ZNF585B: variants seen among roughly 807,000 people sequenced by gnomAD.
ZNF585B encodes the protein zinc finger protein 585B.
In ZNF585B, 7 loss-of-function variants were observed where a neutral mutation model predicts 14.0. That is an observed-to-expected ratio of 0.50 (90% CI 0.28 to 0.94). ZNF585B has a LOEUF of 0.94. ZNF585B is among the 40% of genes least tolerant of loss of function. The pLI, the probability that ZNF585B is intolerant of heterozygous loss-of-function variation, is 0.09. For missense variants in ZNF585B, 750 were observed against 924.4 expected, an observed-to-expected ratio of 0.81 and a Z score of 2.45; for synonymous variants, 290 against 317.3, an observed-to-expected ratio of 0.91 and a Z score of 0.91.
chr19:37,186,883 T>C lies in ZNF585B; in HGVS notation c.654A>G (p.Glu218=), dbSNP rs753870787. Residue 218 remains glutamate (E), a synonymous_variant, in exon 5 of 5, where the codon GAA becomes GAG. Transcript: ENST00000532828. ...HTGEKLYECS[E]CGKGFPYNSD... ...AGTTATAAGGGAAACCTTTCCCACA[T>C]TCACTACATTCATATAGTTTTTCTC... 8 of 1,613,738 alleles carry C rather than the reference T, an allele frequency of 5.0e-6. No homozygotes were observed. Among genetic ancestry groups the C allele is most frequent in the African/African-American group, 1.3e-5 (1 of 74,914 alleles).
Position 37,186,283 on chromosome 19 carries a change from G to T in ZNF585B, c.1254C>A (p.Ala418=), listed in dbSNP as rs1329860426. 1.9e-6 allele frequency: 3 copies of T among 1,613,916 alleles called. No homozygotes were observed. In the African/African-American group the frequency reaches 4.0e-5, roughly 22 times the overall value. The change falls in exon 5 of 5, where the codon GCC becomes GCA. Residue 418 remains alanine, a synonymous_variant. Coordinates refer to ENST00000532828, the MANE Select transcript of ZNF585B (RefSeq NM_152279.4). ...KSYICMKCGL[A]FIRKAHLITH... ...TAATCAAGTGTGCCTTCCGGATGAAGGCCAGTCCACATTTCATGCATATAT... is the reference window on the plus strand; with the variant it reads ...TAATCAAGTGTGCCTTCCGGATGAATGCCAGTCCACATTTCATGCATATAT...
intron 2 of ZNF585B, among the ~76,000 whole-genome samples, chr19:37,198,739 A>T (rs74619318): frequency 1.6e-4 from 20 of 121,492 alleles, no homozygotes; most frequent in Non-Finnish European, 2.3e-4. Context: ...TCTGTCTCAG[A>T]AAAAGAAAAA....
rs1483119488 is a variant in ZNF585B, at chr19:37,187,001, G to A, written c.536C>T (p.Thr179Ile). Residue 179 changes from threonine (T) to isoleucine (I), a missense_variant, in exon 5 of 5, where the codon ACC (threonine) becomes ATC (isoleucine). Physicochemically the swap from Thr to Ile is moderately conservative, Grantham distance 89. Transcript: ENST00000532828. ...CTTATAGGGCTTCTCTCTCATATGG[G>A]TTTTCTGATGTGTGATGAATTCTGG... Reference protein sequence around the residue: ...QKPEFITHQKTHMREKPYKCN... With the variant: ...QKPEFITHQKIHMREKPYKCN... 2.5e-6 allele frequency: 4 copies of A among 1,613,122 alleles called. No homozygotes were observed. The highest frequency in any genetic ancestry group is 3.4e-6 in the Non-Finnish European group (4 of 1,179,776).
intron 3 of ZNF585B, 101 bp from the exon 4 acceptor site, chr19:37,189,854 G>A: frequency 6.3e-7 from 1 of 1,581,034 alleles, no homozygotes; most frequent in African/African-American, 1.3e-5. Flanking sequence ...CTTTAGGAAA[G>A]TAACCAGATA....
chr19:37,181,881 G>A lies in ZNF585B; in HGVS notation c.*3346C>T, dbSNP rs1050206290. The A allele has an allele frequency of 6.6e-6, 1 of 152,174 alleles. No individual in the cohort carries two copies. 9.4% of individuals were successfully genotyped at this position (152,174 alleles called of 1,614,324 possible). A position where few individuals can be genotyped will look rare whatever the true frequency, so the allele number is the denominator to read the frequency against. On this transcript the variant is annotated 3_prime_UTR_variant, in exon 5 of 5. Transcript: ENST00000532828. Reference sequence around the variant, plus strand: ...TAGGCGAAACACAGAGGATTATTGGGACAGTGAAACGGCTCTTTATCCTTC... The same window carrying A: ...TAGGCGAAACACAGAGGATTATTGGAACAGTGAAACGGCTCTTTATCCTTC...
intron 2 of ZNF585B, among the ~76,000 whole-genome samples, chr19:37,202,911 G>C (rs1972545443): frequency 6.6e-6 from 1 of 152,124 alleles, no homozygotes; most frequent in African/African-American, 2.4e-5. Flanking sequence ...CCAAAGTGCT[G>C]GGATTACAGG....
chr19:37,199,645 G>A (rs1011385641), intron 2 of ZNF585B: 6 of 274,696 alleles, frequency 2.2e-5, no homozygotes, highest in South Asian at 1.9e-4. Context: ...ATAGAGAGGA[G>A]ATTAAAAGGA....
Position 37,186,155 on chromosome 19 carries a change from G to A in ZNF585B, c.1382C>T (p.Thr461Ile). ...SQLHVHKRIH[T>I]GEKPYVCNKC... ...ATTGCATACATAGGGCTTTTCTCCT[G>A]TGTGAATTCGTTTATGAACATGGAG... The change falls in exon 5 of 5, where the codon ACA becomes ATA. Residue 461 changes from threonine to isoleucine, a missense_variant. Coordinates refer to ENST00000532828, the MANE Select transcript of ZNF585B (RefSeq NM_152279.4). The A allele has an allele frequency of 6.2e-7, 1 of 1,614,140 alleles. No homozygotes were observed.
rs1972504690 is a variant in ZNF585B at position 37,199,197 on chromosome 19, T to C, written c.72+7843A>G. The C allele has an allele frequency of 4.1e-5, 20 of 491,204 alleles. No homozygotes were observed. In the South Asian group the frequency reaches 4.4e-4, roughly 11 times the overall value. The allele number at this position is 491,204 out of a possible 1,614,324, so 30.4% of individuals were successfully genotyped here. A position where few individuals can be genotyped will look rare whatever the true frequency, so the allele number is the denominator to read the frequency against. On this transcript the variant is annotated intron_variant, in intron 2 of 4. Transcript: ENST00000532828. ...CACGAGATGTCATGTTAGGCTGGAA[T>C]AGAGCTTTACCACCTCACCAAATGA... is the stretch of plus-strand genomic sequence containing the variant.
chr19:37,189,045 C>A (rs1301516908), intron 4 of ZNF585B, among the ~76,000 whole-genome samples: 1 of 151,834 alleles, frequency 6.6e-6, no homozygotes, highest in Non-Finnish European at 1.5e-5. Flanking sequence ...TCAAGTGACT[C>A]TTGTGCCTCA....
intron 2 of ZNF585B, among the ~76,000 whole-genome samples, chr19:37,201,575 A>T (rs1222816972): frequency 6.6e-6 from 1 of 152,244 alleles, no homozygotes; most frequent in East Asian, 1.9e-4. Context: ...ACATTCAGAA[A>T]TGTTAAACAT....
intron 1 of ZNF585B, 134 bp from the exon 2 acceptor site, chr19:37,207,388 G>A: frequency 3.8e-6 from 2 of 521,988 alleles, no homozygotes; most frequent in Non-Finnish European, 3.1e-6. Flanking sequence ...AAGTCACCTG[G>A]AGGGCTTGTT....
intron 2 of ZNF585B, among the ~76,000 whole-genome samples, chr19:37,194,528 G>T (rs1271544426): frequency 6.6e-6 from 1 of 152,104 alleles, no homozygotes; most frequent in African/African-American, 2.4e-5. Flanking sequence ...GAGGAGAATT[G>T]TTTGAACCTG....
chr19:37,208,380 T>C (rs1164311155), intron 1 of ZNF585B, among the ~76,000 whole-genome samples: 3 of 152,140 alleles, frequency 2.0e-5, no homozygotes, highest in African/African-American at 7.2e-5. Flanking sequence ...TATATTTGTA[T>C]AGCATTGTGG....
At chr19:37,190,893 C>T (rs963245733) in intron 2 of ZNF585B, among the ~76,000 whole-genome samples, 1 of 152,116 alleles carries the variant, frequency 6.6e-6, no homozygotes, top group Non-Finnish European at 1.5e-5. Flanking sequence ...GAACCTGCCA[C>T]TCATTTCCCT....
At chr19:37,210,007 G>A (rs954887527) in intron 1 of ZNF585B, among the ~76,000 whole-genome samples, 1 of 151,834 alleles carries the variant, frequency 6.6e-6, no homozygotes, top group East Asian at 1.9e-4. Flanking sequence ...GAGCCACCGC[G>A]CCCGGCCATA....
rs753774472 is a variant in ZNF585B, at chr19:37,185,689, G to A, written c.1848C>T (p.Thr616=). The change falls in exon 5 of 5, where the codon ACC becomes ACT. Residue 616 remains threonine (T), a synonymous_variant. Transcript: ENST00000532828. The part of the protein sequence containing the change: ...YECSDCGKSF[T]SKSQLLVHQP... ...GATGCACCAGGAGCTGAGACTTGGAGGTAAAGGACTTCCCACAGTCACTGC... is the reference window on the plus strand; with the variant it reads ...GATGCACCAGGAGCTGAGACTTGGAAGTAAAGGACTTCCCACAGTCACTGC... 9 of 1,596,758 alleles carry A rather than the reference G, an allele frequency of 5.6e-6. No individual in the cohort carries two copies. Among genetic ancestry groups the A allele is most frequent in the African/African-American group, 1.4e-5 (1 of 73,898 alleles).
Position 37,186,478 on chromosome 19 carries a change from A to G in ZNF585B, c.1059T>C (p.Ser353=), listed in dbSNP as rs571683695. The G allele has an allele frequency of 8.7e-6, 14 of 1,614,168 alleles. No homozygotes were observed. In the East Asian group the frequency reaches 3.1e-4, roughly 36 times the overall value. The change falls in exon 5 of 5, where the codon TCT becomes TCC. Residue 353 remains serine (S), a synonymous_variant. Coordinates refer to ENST00000532828, the MANE Select transcript of ZNF585B (RefSeq NM_152279.4). ...CCTTCCCACACTCAGTACATATGGA[A>G]GATTTCTCTCTACTTTGAATCTTCT... ...THEKIQSREK[S]SICTECGKAF...
rs1485731274 is a variant in ZNF585B at position 37,189,768 on chromosome 19, T to TTATC, written c.200-16_200-15insGATA. On this transcript the variant is annotated splice_polypyrimidine_tract_variant and intron_variant, in intron 3 of 4. Coordinates refer to ENST00000532828, the MANE Select transcript of ZNF585B (RefSeq NM_152279.4). ...AACTTGATACCCTGTTCATGGGAAATGATAAAGGTCTGGGTCCAGCTAATT... is the reference window on the plus strand; with the variant it reads ...AACTTGATACCCTGTTCATGGGAAATTATCGATAAAGGTCTGGGTCCAGCTAATT... The TTATC allele has an allele frequency of 2.5e-6, 4 of 1,613,958 alleles. No homozygotes were observed. The highest frequency in any genetic ancestry group is 3.4e-6 in the Non-Finnish European group (4 of 1,179,986).
Sources: allele counts gnomAD v4.1 joint callset (sites outside exome capture counted in the v4.1 genomes callset), GRCh38; gene constraint gnomAD v4.1.1; transcripts MANE v1.5; gene names NCBI Gene and HGNC (gene_info 2026-07-23, HGNC 2026-07-21).